Variants in BTAF1 observed in about 807,000 individuals in gnomAD.
BTAF1 encodes the protein B-TFIID TATA-box binding protein associated factor 1.
A neutral mutation model predicts 227.1 loss-of-function variants in BTAF1; 38 were observed. The ratio of observed to expected loss-of-function variants is 0.17; its 90% CI spans 0.13 to 0.22. The LOEUF (loss-of-function observed/expected upper bound fraction) is 0.22, where lower values mean the gene tolerates loss of function less well. Ranked by LOEUF, BTAF1 falls within the 10% of genes least tolerant of loss-of-function variation. BTAF1 has a pLI of 1.00. For missense variants in BTAF1, 1,598 were observed against 2,204.0 expected, an observed-to-expected ratio of 0.73 and a Z score of 5.51; for synonymous variants, 742 against 751.9, an observed-to-expected ratio of 0.99 and a Z score of 0.21.
chr10:92,013,744 T>G lies in BTAF1; in HGVS notation c.4389T>G (p.Ala1463=). ...GFLGTERQFA[A]RYGKPILASR... is the part of the protein sequence containing the mutation. The stretch of plus-strand genomic sequence containing the variant: ...TGGGTACTGAACGCCAGTTTGCTGC[T>G]CGATATGGTAAACCTATATTAGCAA... Residue 1463 remains alanine (A), a synonymous_variant, in exon 31 of 38, where the codon GCT becomes GCG. Coordinates refer to ENST00000265990, the MANE Select transcript of BTAF1 (RefSeq NM_003972.3). 6.2e-7 allele frequency: 1 copy of G among 1,614,102 alleles called. No individual in the cohort carries two copies. Among genetic ancestry groups the G allele is most frequent in the Non-Finnish European group, 8.5e-7 (1 of 1,180,032 alleles).
chr10:91,923,972 C>T lies in BTAF1; in HGVS notation c.-105C>T. 3.5e-6 allele frequency: 5 copies of T among 1,425,964 alleles called. No homozygotes were observed. The highest frequency in any genetic ancestry group is 1.5e-5 in the African/African-American group (1 of 67,750). 88.3% of individuals were successfully genotyped at this position (1,425,964 alleles called of 1,614,324 possible). A position where few individuals can be genotyped will look rare whatever the true frequency, so the allele number is the denominator to read the frequency against. On this transcript the variant is annotated 5_prime_UTR_variant, in exon 1 of 38. Coordinates refer to ENST00000265990, the MANE Select transcript of BTAF1 (RefSeq NM_003972.3). Reference sequence around the variant, plus strand: ...GCCCCACGCCGCACCGGCCGCTCCCCTGTGCTCCGCGGCCTGGGCCTGCGC... The same window carrying T: ...GCCCCACGCCGCACCGGCCGCTCCCTTGTGCTCCGCGGCCTGGGCCTGCGC...
At chr10:91,972,899 GGTATT>G (rs1398798931) in intron 14 of BTAF1, among the ~76,000 whole-genome samples, 1 of 151,994 alleles carries the variant, frequency 6.6e-6, no homozygotes, top group African/African-American at 2.4e-5. Context: ...AGGTGCTACT[GGTATT>G]GTATTGGAGA....
chr10:91,999,201 T>C (rs748481435), intron 25 of BTAF1, among the ~76,000 whole-genome samples: 1 of 151,348 alleles, frequency 6.6e-6, no homozygotes, highest in Admixed American at 6.5e-5. Flanking sequence ...GTTTAATTTT[T>C]TTTATAAAAC....
chr10:91,944,105 C>T (rs577708676), intron 4 of BTAF1, among the ~76,000 whole-genome samples: 2 of 151,578 alleles, frequency 1.3e-5, no homozygotes, highest in South Asian at 2.1e-4. Context: ...GAGCTGCGAT[C>T]GTGGCCATTG....
At chr10:91,983,555 A>G (rs1357083500) in intron 18 of BTAF1, among the ~76,000 whole-genome samples, 2 of 152,152 alleles carry the variant, frequency 1.3e-5, no homozygotes, top group African/African-American at 2.4e-5. Flanking sequence ...CAGTGATGCT[A>G]TGTTTTTGTG....
intron 1 of BTAF1, among the ~76,000 whole-genome samples, chr10:91,930,137 T>G (rs1459133252): frequency 6.6e-6 from 1 of 152,182 alleles, no homozygotes; most frequent in Non-Finnish European, 1.5e-5. Context: ...AAATGTATTA[T>G]GAATTTTACA....
At chr10:91,971,673 T>A (rs1477397274) in intron 14 of BTAF1, among the ~76,000 whole-genome samples, 1 of 152,074 alleles carries the variant, frequency 6.6e-6, no homozygotes, top group African/African-American at 2.4e-5. Context: ...GGTTTCGCCA[T>A]GTTGGTCAGG....
chr10:92,023,494 G>A (rs1397506927), intron 34 of BTAF1, among the ~76,000 whole-genome samples: 1 of 152,160 alleles, frequency 6.6e-6, no homozygotes, highest in East Asian at 1.9e-4. Context: ...AACCAACCTG[G>A]CCAACATGGC....
intron 33 of BTAF1, among the ~76,000 whole-genome samples, chr10:92,018,106 C>T (rs889655637): frequency 6.6e-6 from 1 of 151,870 alleles, no homozygotes; most frequent in Non-Finnish European, 1.5e-5. Flanking sequence ...TTTTTAAAGA[C>T]TGAGTCTCGC....
At chr10:92,019,843 G>C (rs1043521552) in intron 34 of BTAF1, among the ~76,000 whole-genome samples, 4 of 149,816 alleles carry the variant, frequency 2.7e-5, no homozygotes, top group African/African-American at 9.8e-5. Flanking sequence ...CATTTTGATT[G>C]GCTTATTTCA....
At chr10:91,926,690 A>G (rs767960253) in intron 1 of BTAF1, among the ~76,000 whole-genome samples, 5 of 152,224 alleles carry the variant, frequency 3.3e-5, no homozygotes, top group African/African-American at 7.2e-5. Context: ...GTATCACCTG[A>G]TAAGTCTCAT....
chr10:91,999,131 T>C (rs1444539683), intron 25 of BTAF1, among the ~76,000 whole-genome samples: 1 of 151,306 alleles, frequency 6.6e-6, no homozygotes, highest in East Asian at 1.9e-4. Context: ...TTTGCGTGGA[T>C]GTGTGTTTTT....
intron 33 of BTAF1, among the ~76,000 whole-genome samples, chr10:92,017,029 T>C (rs769901990): frequency 2.6e-5 from 4 of 152,178 alleles, no homozygotes; most frequent in Non-Finnish European, 5.9e-5. Flanking sequence ...ATTCAAAAAA[T>C]ATTAGAACAC....
intron 11 of BTAF1, among the ~76,000 whole-genome samples, chr10:91,961,953 CAG>C (rs1846553445): frequency 2.0e-5 from 3 of 152,066 alleles, no homozygotes; most frequent in Admixed American, 6.5e-5. Flanking sequence ...TGTATTCACA[CAG>C]AGAATTCATA....
At chr10:91,991,224 C>T (rs1023580245) in intron 20 of BTAF1, among the ~76,000 whole-genome samples, 10 of 117,206 alleles carry the variant, frequency 8.5e-5, no homozygotes, top group Non-Finnish European at 1.6e-4. Context: ...CCAGCCTGGG[C>T]GACAGGGCGA....
At chr10:92,014,751 G>A (rs1325217601) in intron 32 of BTAF1, among the ~76,000 whole-genome samples, 1 of 152,164 alleles carries the variant, frequency 6.6e-6, no homozygotes, top group Non-Finnish European at 1.5e-5. Flanking sequence ...CAATTGTGCA[G>A]TGCTAATGGC....
chr10:91,962,733 A>G (rs895523631), intron 12 of BTAF1, 55 bp downstream of exon 12: 1 of 1,458,334 alleles, frequency 6.9e-7, no homozygotes, highest in African/African-American at 1.4e-5. Flanking sequence ...CATTTGGGAT[A>G]TGGAGTATTA....
In BTAF1 at chr10:92,009,205, T is replaced by C. The variant is rs761875177; in HGVS notation, c.4100T>C (p.Ile1367Thr). Reference protein sequence around the residue: ...LHYTGPPTERIRLQHQVKRHN... With the variant: ...LHYTGPPTERTRLQHQVKRHN... ...TACACTGGACCTCCCACTGAAAGAA[T>C]AAGGTAAGAGTTGTATGACAATAAC... The change falls in exon 28 of 38, where the codon ATA becomes ACA. Residue 1367 changes from isoleucine to threonine, a missense_variant. Transcript: ENST00000265990. 2 of 1,613,684 alleles carry C rather than the reference T, an allele frequency of 1.2e-6. No homozygotes were observed. The highest frequency in any genetic ancestry group is 2.7e-5 in the African/African-American group (2 of 75,030).
At chr10:91,930,253 G>T (rs1452218330) in intron 1 of BTAF1, among the ~76,000 whole-genome samples, 1 of 152,186 alleles carries the variant, frequency 6.6e-6, no homozygotes, top group African/African-American at 2.4e-5. Context: ...ATAAAGTCAT[G>T]CAAGAGGCTA....
Sources: allele counts gnomAD v4.1 joint callset (sites outside exome capture counted in the v4.1 genomes callset), GRCh38; gene constraint gnomAD v4.1.1; transcripts MANE v1.5; gene names NCBI Gene and HGNC (gene_info 2026-07-23, HGNC 2026-07-21).